Variants in ZC3H12B observed in about 807,000 individuals in gnomAD.
ZC3H12B encodes probable ribonuclease ZC3H12B.
In ZC3H12B, 7 loss-of-function variants were observed where a neutral mutation model predicts 43.9. The observed-to-expected ratio is 0.16, with a 90% CI of 0.09 to 0.30. The LOEUF (loss-of-function observed/expected upper bound fraction) is 0.30, where lower values mean the gene tolerates loss of function less well. Among genes scored for constraint, ZC3H12B ranks in the 10% least tolerant of loss-of-function variants. ZC3H12B has a pLI of 1.00. For synonymous variants in ZC3H12B, 222 were observed against 241.7 expected, an observed-to-expected ratio of 0.92 and a Z score of 0.76; for missense variants, 475 against 670.2, an observed-to-expected ratio of 0.71 and a Z score of 3.22.
the ZC3H12B span, among the ~76,000 whole-genome samples, chrX:65,171,863 G>A: frequency 9.0e-6 from 1 of 111,162 alleles, no homozygotes; most frequent in African/African-American, 3.3e-5. Flanking sequence ...ATAATCTCCT[G>A]GTGTGCCGTT....
the ZC3H12B span, among the ~76,000 whole-genome samples, chrX:65,047,766 A>C: frequency 2.7e-4 from 29 of 109,254 alleles, 1 homozygote; most frequent in Admixed American, 2.9e-3. Context: ...AGGTGTATTT[A>C]AAGTGAATTT....
the ZC3H12B span, among the ~76,000 whole-genome samples, chrX:65,337,676 G>T: frequency 4.4e-5 from 5 of 112,550 alleles, no homozygotes; most frequent in Non-Finnish European, 9.4e-5. Flanking sequence ...AACTAGAAGG[G>T]TATTGATAGC....
the ZC3H12B span, among the ~76,000 whole-genome samples, chrX:65,155,123 C>A: frequency 1.8e-5 from 2 of 110,034 alleles, no homozygotes; most frequent in African/African-American, 6.6e-5. Context: ...AACCTGGCCA[C>A]TTTTTTGTAT....
the ZC3H12B span, among the ~76,000 whole-genome samples, chrX:65,230,832 T>G: frequency 9.0e-6 from 1 of 111,284 alleles, no homozygotes; most frequent in East Asian, 2.8e-4. Context: ...CATCAAAAAT[T>G]TTTCTGAAGG....
At chrX:65,192,844 A>T in the ZC3H12B span, among the ~76,000 whole-genome samples, 1 of 111,322 alleles carries the variant, frequency 9.0e-6, no homozygotes, top group Non-Finnish European at 1.9e-5. Flanking sequence ...GCTGGGCTGG[A>T]GTGCAGTGGC....
the ZC3H12B span, among the ~76,000 whole-genome samples, chrX:65,289,220 CACA>C: frequency 9.0e-6 from 1 of 110,850 alleles, no homozygotes; most frequent in African/African-American, 3.3e-5. Context: ...TGGCATTATT[CACA>C]ACGTTAGAAA....
chrX:65,314,716 G>A, the ZC3H12B span, among the ~76,000 whole-genome samples: 2 of 111,208 alleles, frequency 1.8e-5, no homozygotes, highest in African/African-American at 3.3e-5. Flanking sequence ...GAAATGAAGA[G>A]CAACAGAAAT....
intron 3 of ZC3H12B, among the ~76,000 whole-genome samples, chrX:65,435,583 T>C (rs2067209681): frequency 9.0e-6 from 1 of 110,793 alleles, no homozygotes; most frequent in African/African-American, 3.3e-5. Flanking sequence ...TTTATTTCTA[T>C]AGAACCACTC....
At chrX:65,199,952 C>A in the ZC3H12B span, among the ~76,000 whole-genome samples, 1 of 110,501 alleles carries the variant, frequency 9.0e-6, no homozygotes, top group Non-Finnish European at 1.9e-5. Context: ...TTATATTTCT[C>A]TGGGTATATA....
the ZC3H12B span, among the ~76,000 whole-genome samples, chrX:65,149,809 TAATAATA>T: frequency 1.1e-5 from 1 of 89,147 alleles, no homozygotes; most frequent in Non-Finnish European, 2.0e-5. Context: ...ATAATAATAA[TAATAATA>T]AATAAAAGTA....
the ZC3H12B span, among the ~76,000 whole-genome samples, chrX:65,324,979 T>C: frequency 1.8e-5 from 2 of 111,260 alleles, no homozygotes; most frequent in Admixed American, 1.9e-4. Context: ...ATTGGGTACA[T>C]GTAAATTTGC....
the ZC3H12B span, among the ~76,000 whole-genome samples, chrX:65,139,800 C>A: frequency 1.8e-5 from 2 of 111,147 alleles, no homozygotes; most frequent in East Asian, 2.8e-4. Flanking sequence ...AGGTATTTGA[C>A]CTTCTTGGTT....
chrX:65,346,765 C>A, the ZC3H12B span, among the ~76,000 whole-genome samples: 1 of 112,407 alleles, frequency 8.9e-6, no homozygotes, highest in Non-Finnish European at 1.9e-5. Flanking sequence ...TTCCTTCTCT[C>A]ACCAGGGCAT....
intron 3 of ZC3H12B, among the ~76,000 whole-genome samples, chrX:65,472,263 G>A (rs1271866002): frequency 9.0e-6 from 1 of 111,467 alleles, no homozygotes; most frequent in East Asian, 2.8e-4. Flanking sequence ...AGTTGCAAGT[G>A]TTCTCAATAT....
chrX:65,358,759 T>C, the ZC3H12B span, among the ~76,000 whole-genome samples: 2 of 111,067 alleles, frequency 1.8e-5, no homozygotes, highest in Non-Finnish European at 3.8e-5. Flanking sequence ...CACCCTAACA[T>C]CACAATTAAA....
the ZC3H12B span, among the ~76,000 whole-genome samples, chrX:65,344,656 G>A: frequency 8.9e-6 from 1 of 112,135 alleles, no homozygotes; most frequent in African/African-American, 3.2e-5. Flanking sequence ...ACAAAAGAAT[G>A]GGAAATGATT....
chrX:65,150,612 G>A, the ZC3H12B span, among the ~76,000 whole-genome samples: 1 of 111,106 alleles, frequency 9.0e-6, no homozygotes, highest in African/African-American at 3.3e-5. Flanking sequence ...TCTTGTGTTA[G>A]TTTGTTGAAG....
the ZC3H12B span, among the ~76,000 whole-genome samples, chrX:65,309,777 A>G: frequency 1.8e-5 from 2 of 112,313 alleles, no homozygotes; most frequent in African/African-American, 3.2e-5. Context: ...AGAATCCAGC[A>G]TCAGGTCAAA....
upstream of ZC3H12B, among the ~76,000 whole-genome samples, chrX:65,487,804 TC>T (rs1216065727): frequency 8.9e-6 from 1 of 112,410 alleles, no homozygotes; most frequent in East Asian, 2.8e-4. Context: ...TTTTCTAGTC[TC>T]CCTAGTAGAT....
Sources: allele counts gnomAD v4.1 joint callset (sites outside exome capture counted in the v4.1 genomes callset), GRCh38; gene constraint gnomAD v4.1.1; transcripts MANE v1.5; gene names NCBI Gene and HGNC (gene_info 2026-07-23, HGNC 2026-07-21).